The following ANGPTL3 variants were observed in gnomAD, a reference collection of about 807,000 sequenced individuals.
ANGPTL3 encodes the protein angiopoietin like 3.
A neutral mutation model predicts 52.7 loss-of-function variants in ANGPTL3; 51 were observed. That is an observed-to-expected ratio of 0.97 (90% confidence interval 0.77 to 1.22). The LOEUF is 1.22. Ranked by LOEUF, ANGPTL3 falls within the 50% of genes most tolerant of loss-of-function variation. The pLI is 0.00. For synonymous variants in ANGPTL3, 185 were observed against 179.8 expected (o/e 1.03, Z -0.23); for missense variants, 506 against 520.7 (o/e 0.97, Z 0.27).
At position 62,604,663 on chromosome 1, in the gene ANGPTL3, A is replaced by C; in HGVS notation, c.1229A>C (p.Glu410Ala). 4.3e-6 allele frequency: 7 copies of C among 1,613,236 alleles called. No homozygotes were observed. The highest frequency in any genetic ancestry group is 5.9e-6 in the Non-Finnish European group (7 of 1,179,372). The change falls in exon 7 of 7, where the codon GAA (glutamate) becomes GCA (alanine). Residue 410 changes from glutamate to alanine, a missense_variant. Physicochemically the swap from Glu to Ala is moderately radical, Grantham distance 107 (BLOSUM62 -1). Coordinates refer to ENST00000371129, the MANE Select transcript of ANGPTL3 (RefSeq NM_014495.4). Reference sequence around the variant, plus strand: ...TGGTGGTGGCATGATGAGTGTGGAGAAAACAACCTAAATGGTAAATATAAC... The same window carrying C: ...TGGTGGTGGCATGATGAGTGTGGAGCAAACAACCTAAATGGTAAATATAAC... ...GGWWWHDECGENNLNGKYNKP... is the reference protein window; with the variant it reads ...GGWWWHDECGANNLNGKYNKP...
In ANGPTL3 at chr1:62,601,867, T is replaced by C; in HGVS notation, c.820T>C (p.Cys274Arg). Residue 274 changes from cysteine (C) to arginine (R), a missense_variant, in exon 4 of 7, where the codon TGT becomes CGT. Physicochemically the swap from Cys to Arg is radical, Grantham distance 180. Coordinates refer to ENST00000371129, the MANE Select transcript of ANGPTL3 (RefSeq NM_014495.4). ...PSNSQVFHVY[C>R]DVISGSPWTL... Reference sequence around the variant, plus strand: ...CAACTCTCAAGTTTTTCATGTCTACTGTGATGTTATATCAGGTAAAACCTG... The same window carrying C: ...CAACTCTCAAGTTTTTCATGTCTACCGTGATGTTATATCAGGTAAAACCTG... The C allele has an allele frequency of 1.2e-6, 2 of 1,606,692 alleles. No homozygotes were observed. Among genetic ancestry groups the C allele is most frequent in the African/African-American group, 1.3e-5 (1 of 74,804 alleles).
At chr1:62,604,257 A>G (rs1259000958) in intron 6 of ANGPTL3, 22 bp downstream of exon 6, 1 of 1,611,704 alleles carries the variant, frequency 6.2e-7, no homozygotes, top group Non-Finnish European at 8.5e-7. Flanking sequence ...TGATACCAAT[A>G]CTTTATTTTC....
At chr1:62,604,595 A>C in intron 6 of ANGPTL3, 38 bp from the exon 7 acceptor site, 3 of 1,573,890 alleles carry the variant, frequency 1.9e-6, no homozygotes, top group Non-Finnish European at 2.6e-6. Context: ...ACTACATACG[A>C]GTCTGTACCC....
chr1:62,600,890 T>C (rs1650016067), intron 2 of ANGPTL3, 192 bp from the exon 3 acceptor site: 1 of 504,366 alleles, frequency 2.0e-6, no homozygotes, highest in South Asian at 2.9e-5. Flanking sequence ...TCTTATTAAA[T>C]AATGTCCCTG....
chr1:62,599,160 C>A (rs1378375699), intron 2 of ANGPTL3, among the ~76,000 whole-genome samples: 1 of 151,994 alleles, frequency 6.6e-6, no homozygotes, highest in East Asian at 1.9e-4. Flanking sequence ...TGCTCAAAAC[C>A]ACACAATAGC....
Position 62,601,868 on chromosome 1 carries a change from G to T in ANGPTL3, c.821G>T (p.Cys274Phe). ...PSNSQVFHVYCDVISGSPWTL... is the reference protein window; with the variant it reads ...PSNSQVFHVYFDVISGSPWTL... ...AACTCTCAAGTTTTTCATGTCTACTGTGATGTTATATCAGGTAAAACCTGT... is the reference window on the plus strand; with the variant it reads ...AACTCTCAAGTTTTTCATGTCTACTTTGATGTTATATCAGGTAAAACCTGT... Residue 274 changes from cysteine to phenylalanine, a missense_variant, in exon 4 of 7, where the codon TGT becomes TTT. Coordinates refer to ENST00000371129, the MANE Select transcript of ANGPTL3 (RefSeq NM_014495.4). The T allele has an allele frequency of 6.2e-7, 1 of 1,606,450 alleles. No individual in the cohort carries two copies. Among genetic ancestry groups the T allele is most frequent in the Middle Eastern group, 1.7e-4 (1 of 6,036 alleles).
chr1:62,602,115 T>C (rs1275070150), intron 4 of ANGPTL3, among the ~76,000 whole-genome samples, 170 bp from the exon 5 acceptor site: 1 of 151,676 alleles, frequency 6.6e-6, no homozygotes, highest in Non-Finnish European at 1.5e-5. Context: ...AATTCATTAA[T>C]TGCCTTTCAC....
In ANGPTL3 at chr1:62,602,289, T is replaced by A; in HGVS notation, c.840T>A (p.Ser280Arg). 1.2e-6 allele frequency: 2 copies of A among 1,606,266 alleles called. No individual in the cohort carries two copies. The highest frequency in any genetic ancestry group is 1.7e-6 in the Non-Finnish European group (2 of 1,173,800). The change falls in exon 5 of 7, where the codon AGT (serine) becomes AGA (arginine). Residue 280 changes from serine (S) to arginine (R), a missense_variant. Physicochemically the swap from Ser to Arg is moderately radical, Grantham distance 110. Coordinates refer to ENST00000371129, the MANE Select transcript of ANGPTL3 (RefSeq NM_014495.4). ...GATTTCATTCATTATATTCAGGTAG[T>A]CCATGGACATTAATTCAACATCGAA... The part of the protein sequence containing the change: ...FHVYCDVISG[S>R]PWTLIQHRID...
chr1:62,604,696 G>C lies in ANGPTL3; in HGVS notation c.1262G>C (p.Arg421Thr). The change falls in exon 7 of 7, where the codon AGA becomes ACA. Residue 421 changes from arginine (R) to threonine (T), a missense_variant. Transcript: ENST00000371129. ...NNLNGKYNKP[R>T]AKSKPERRRG... ...CTAAATGGTAAATATAACAAACCAA[G>C]AGCAAAATCTAAGCCAGAGAGGAGA... 1 of 1,613,144 alleles carries C rather than the reference G, an allele frequency of 6.2e-7. No individual in the cohort carries two copies. The highest frequency in any genetic ancestry group is 8.5e-7 in the Non-Finnish European group (1 of 1,179,394).
intron 2 of ANGPTL3, among the ~76,000 whole-genome samples, chr1:62,599,966 C>A (rs1649869095): frequency 6.6e-6 from 1 of 151,858 alleles, no homozygotes; most frequent in African/African-American, 2.4e-5. Flanking sequence ...CTCAGAGAAA[C>A]TGGTAAACAA....
At position 62,605,019 on chromosome 1, in the gene ANGPTL3, T is replaced by C. The variant is rs1177678983; in HGVS notation, c.*202T>C. 3 of 547,790 alleles carry C rather than the reference T, an allele frequency of 5.5e-6. No individual in the cohort carries two copies. Among genetic ancestry groups the C allele is most frequent in the African/African-American group, 1.9e-5 (1 of 53,102 alleles). 33.9% of individuals were successfully genotyped at this position (547,790 alleles called of 1,614,324 possible). Reference sequence around the variant, plus strand: ...TTACATTTCTCAATCAAAATTCTTATAATACTATTTGTTTTAAATTTTGTG... The same window carrying C: ...TTACATTTCTCAATCAAAATTCTTACAATACTATTTGTTTTAAATTTTGTG... On this transcript the variant is annotated 3_prime_UTR_variant, in exon 7 of 7. Transcript: ENST00000371129.
In ANGPTL3 at chr1:62,604,904, G is replaced by A. The variant is rs1161027093; in HGVS notation, c.*87G>A. On this transcript the variant is annotated 3_prime_UTR_variant, in exon 7 of 7. Coordinates refer to ENST00000371129, the MANE Select transcript of ANGPTL3 (RefSeq NM_014495.4). The stretch of plus-strand genomic sequence containing the variant: ...TAATAATCTGGTATTAAATCCTTAA[G>A]AGAAAGCTTGAGAAATAGATTTTTT... The A allele has an allele frequency of 7.3e-7, 1 of 1,364,788 alleles. No homozygotes were observed. The highest frequency in any genetic ancestry group is 1.0e-6 in the Non-Finnish European group (1 of 969,526). 84.5% of individuals were successfully genotyped at this position (1,364,788 alleles called of 1,614,324 possible).
At position 62,597,977 on chromosome 1, in the gene ANGPTL3, A is replaced by G. The variant is rs749133407; in HGVS notation, c.411A>G (p.Lys137=). 6.4e-7 allele frequency: 1 copy of G among 1,560,190 alleles called. No individual in the cohort carries two copies. Among genetic ancestry groups the G allele is most frequent in the South Asian group, 1.2e-5 (1 of 80,994 alleles). The change falls in exon 1 of 7, where the codon AAA becomes AAG. Residue 137 remains lysine (K), a synonymous_variant. Transcript: ENST00000371129. ...LLEEKILLQQ[K]VKYLEEQLTN... ...AAGAAAAAATTCTACTTCAACAAAAAGTGAAATATTTAGAAGAGCAACTAA... is the reference window on the plus strand; with the variant it reads ...AAGAAAAAATTCTACTTCAACAAAAGGTGAAATATTTAGAAGAGCAACTAA...
Position 62,604,625 on chromosome 1 carries a change from T to G in ANGPTL3, c.1199-8T>G, listed in dbSNP as rs1457043867. 8 of 1,612,800 alleles carry G rather than the reference T, an allele frequency of 5.0e-6. No individual in the cohort carries two copies. The highest frequency in any genetic ancestry group is 1.1e-5 in the South Asian group (1 of 91,064). Reference sequence around the variant, plus strand: ...GTACCCATTAAATTGCATATCTATCTCCTTTAGGAGGCTGGTGGTGGCATG... The same window carrying G: ...GTACCCATTAAATTGCATATCTATCGCCTTTAGGAGGCTGGTGGTGGCATG... On this transcript the variant is annotated splice_region_variant and splice_polypyrimidine_tract_variant and intron_variant, in intron 6 of 6. Coordinates refer to ENST00000371129, the MANE Select transcript of ANGPTL3 (RefSeq NM_014495.4).
Position 62,605,774 on chromosome 1 carries a change from C to G in ANGPTL3, c.*957C>G, listed in dbSNP as rs1332359469. The G allele has an allele frequency of 6.6e-6, 1 of 152,230 alleles. No individual in the cohort carries two copies. Among genetic ancestry groups the G allele is most frequent in the African/African-American group, 2.4e-5 (1 of 41,478 alleles). 9.4% of individuals were successfully genotyped at this position (152,230 alleles called of 1,614,324 possible). On this transcript the variant is annotated 3_prime_UTR_variant, in exon 7 of 7. Coordinates refer to ENST00000371129, the MANE Select transcript of ANGPTL3 (RefSeq NM_014495.4). Reference sequence around the variant, plus strand: ...TGTTTAAAATTCAATAAACAAAGACCCAGTCCCTAAATTATAGAAATTTAA... The same window carrying G: ...TGTTTAAAATTCAATAAACAAAGACGCAGTCCCTAAATTATAGAAATTTAA...
At chr1:62,601,331 G>C (rs1419437994) in intron 3 of ANGPTL3, 135 bp downstream of exon 3, 2 of 677,304 alleles carry the variant, frequency 3.0e-6, no homozygotes, top group East Asian at 2.8e-5. Flanking sequence ...GGATGCTGGG[G>C]TTCTTTTTAC....
chr1:62,598,667 C>T, intron 1 of ANGPTL3, 29 bp from the exon 2 acceptor site: 2 of 1,321,730 alleles, frequency 1.5e-6, no homozygotes, highest in African/African-American at 1.4e-5. Context: ...AGGAAAGCAA[C>T]TTATAACCAA....
intron 3 of ANGPTL3, 73 bp downstream of exon 3, chr1:62,601,269 A>T: frequency 2.8e-6 from 3 of 1,055,784 alleles, no homozygotes; most frequent in Non-Finnish European, 4.4e-6. Flanking sequence ...CTTGTTCTAG[A>T]CTAAAAGATA....
chr1:62,604,754 G>T lies in ANGPTL3; in HGVS notation c.1320G>T (p.Arg440Ser). The T allele has an allele frequency of 6.2e-7, 1 of 1,613,008 alleles. No individual in the cohort carries two copies. The highest frequency in any genetic ancestry group is 1.1e-5 in the South Asian group (1 of 91,054). Reference protein sequence around the residue: ...RGLSWKSQNGRLYSIKSTKML... With the variant: ...RGLSWKSQNGSLYSIKSTKML... Reference sequence around the variant, plus strand: ...TATCTTGGAAGTCTCAAAATGGAAGGTTATACTCTATAAAATCAACCAAAA... The same window carrying T: ...TATCTTGGAAGTCTCAAAATGGAAGTTTATACTCTATAAAATCAACCAAAA... The change falls in exon 7 of 7, where the codon AGG (arginine) becomes AGT (serine). Residue 440 changes from arginine (R) to serine (S), a missense_variant. By Grantham distance (110) the Arg-to-Ser change is moderately radical. Transcript: ENST00000371129.
Sources: allele counts gnomAD v4.1 joint callset (sites outside exome capture counted in the v4.1 genomes callset), GRCh38; gene constraint gnomAD v4.1.1; transcripts MANE v1.5; gene names NCBI Gene and HGNC (gene_info 2026-07-23, HGNC 2026-07-21).